FOXN3: variants seen among roughly 807,000 people sequenced by gnomAD.
FOXN3 encodes the protein forkhead box N3.
In FOXN3, 7 loss-of-function variants were observed where a neutral mutation model predicts 38.4. That is an observed-to-expected ratio of 0.18 (90% confidence interval 0.10 to 0.34). FOXN3 has a LOEUF of 0.34. Ranked by LOEUF, FOXN3 falls within the 10% of genes least tolerant of loss-of-function variation. The pLI, the probability that FOXN3 is intolerant of heterozygous loss-of-function variation, is 1.00. For missense variants in FOXN3, 456 were observed against 613.4 expected (o/e 0.74, Z 2.71); for synonymous variants, 230 against 242.2 (o/e 0.95, Z 0.47).
chr14:89,165,424 G>A (rs1395037341), intron 5 of FOXN3, among the ~76,000 whole-genome samples: 1 of 152,220 alleles, frequency 6.6e-6, no homozygotes, highest in Non-Finnish European at 1.5e-5. Flanking sequence ...CTGCTGCTGT[G>A]ACTTGTTCAC....
chr14:89,517,694 T>C (rs1393487371), intron 1 of FOXN3, among the ~76,000 whole-genome samples: 2 of 152,198 alleles, frequency 1.3e-5, no homozygotes, highest in Non-Finnish European at 2.9e-5. Flanking sequence ...TAGATCCAAA[T>C]CATATCACAT....
intron 1 of FOXN3, among the ~76,000 whole-genome samples, chr14:89,461,656 A>T (rs1335259813): frequency 2.0e-5 from 3 of 152,216 alleles, no homozygotes; most frequent in Non-Finnish European, 4.4e-5. Flanking sequence ...TATGATTTGT[A>T]GGAAATTACT....
chr14:89,193,156 T>C (rs17125476), intron 4 of FOXN3, among the ~76,000 whole-genome samples: 16,967 of 151,908 alleles, frequency 0.11, 2,515 homozygotes, highest in African/African-American at 0.34. Flanking sequence ...CAGGTGACCA[T>C]GGTTGGCCTG....
intron 2 of FOXN3, among the ~76,000 whole-genome samples, chr14:89,366,925 T>G (rs1432774918): frequency 1.3e-5 from 2 of 152,220 alleles, no homozygotes; most frequent in Non-Finnish European, 2.9e-5. Context: ...CAATGTGATC[T>G]TATCAAATTG....
At chr14:89,368,317 T>G (rs1890216196) in intron 2 of FOXN3, among the ~76,000 whole-genome samples, 1 of 125,334 alleles carries the variant, frequency 8.0e-6, no homozygotes, top group East Asian at 2.3e-4. Flanking sequence ...ATAAAAAGAG[T>G]GAAACTCTGT....
intron 1 of FOXN3, among the ~76,000 whole-genome samples, chr14:89,441,905 G>A (rs35603610): frequency 0.047 from 7,012 of 150,764 alleles, 214 homozygotes; most frequent in Non-Finnish European, 0.069. Flanking sequence ...GTTACACAGG[G>A]GGCTGAAACC....
At position 89,162,644 on chromosome 14, in the gene FOXN3, C is replaced by A; in HGVS notation, c.1177G>T (p.Ala393Ser). Residue 393 changes from alanine to serine, a missense_variant, in exon 6 of 6, where the codon GCA becomes TCA. Around this residue, in one of 3 missense-constraint regions of FOXN3, gnomAD observed 386 missense variants for 505.2 expected, o/e 0.76. Coordinates refer to ENST00000557258, the MANE Select transcript of FOXN3 (RefSeq NM_005197.4). This position sits in a 1 kb window ranked among gnomAD's most constrained non-coding sequence, Gnocchi z 7.2. The stretch of plus-strand genomic sequence containing the variant: ...TGCTGGCGCTTCTTGTGCTGGGATG[C>A]GTACCCGCTGTCCCCCAGAGAATCC... Reference protein sequence around the residue: ...PKDSLGDSGYASQHKKRQHFA... With the variant: ...PKDSLGDSGYSSQHKKRQHFA... 2 of 1,613,956 alleles carry A rather than the reference C, an allele frequency of 1.2e-6. No homozygotes were observed. Among genetic ancestry groups the A allele is most frequent in the Non-Finnish European group, 1.7e-6 (2 of 1,179,958 alleles).
intron 3 of FOXN3, among the ~76,000 whole-genome samples, chr14:89,289,192 AAAAAAGAAAAG>A (rs1886778181): frequency 5.5e-5 from 3 of 54,538 alleles, no homozygotes; most frequent in Non-Finnish European, 7.4e-5. Context: ...AAAAAAAAAA[AAAAAAGAAAAG>A]AAAAAGAAAA....
chr14:89,191,436 G>A (rs990255330), intron 4 of FOXN3, among the ~76,000 whole-genome samples: 7 of 152,120 alleles, frequency 4.6e-5, no homozygotes, highest in African/African-American at 9.7e-5. Flanking sequence ...AATTGAAGTC[G>A]ACATCAAAAT....
intron 2 of FOXN3, among the ~76,000 whole-genome samples, chr14:89,386,488 G>T (rs1890793529): frequency 6.6e-6 from 1 of 152,168 alleles, no homozygotes; most frequent in African/African-American, 2.4e-5. Context: ...CTAGGCTAGG[G>T]GAACTTAGCA....
chr14:89,210,346 T>C (rs1367318663), intron 4 of FOXN3, among the ~76,000 whole-genome samples: 1 of 152,166 alleles, frequency 6.6e-6, no homozygotes, highest in Non-Finnish European at 1.5e-5. Flanking sequence ...CCTTCCTCCA[T>C]GATTGTAAGT....
At chr14:89,474,964 C>T (rs8010961) in intron 1 of FOXN3, among the ~76,000 whole-genome samples, 14,802 of 151,872 alleles carry the variant, frequency 0.097, 837 homozygotes, top group African/African-American at 0.14. Context: ...AACAGGCACC[C>T]GCCACCACGC....
intron 4 of FOXN3, among the ~76,000 whole-genome samples, chr14:89,197,377 C>T (rs1379429810): frequency 6.6e-6 from 1 of 152,014 alleles, no homozygotes; most frequent in Non-Finnish European, 1.5e-5. Context: ...TGTGGTGGTG[C>T]ACACCTGTAG....
At chr14:89,601,356 T>C (rs984346725) in intron 1 of FOXN3, among the ~76,000 whole-genome samples, 1 of 152,244 alleles carries the variant, frequency 6.6e-6, no homozygotes, top group Non-Finnish European at 1.5e-5. Flanking sequence ...GTTTGCATCC[T>C]AGCAAGTGGA....
chr14:89,366,499 C>T (rs1037367844), intron 2 of FOXN3, among the ~76,000 whole-genome samples: 3 of 152,004 alleles, frequency 2.0e-5, no homozygotes, highest in East Asian at 1.9e-4. Flanking sequence ...CCTCTTCGTG[C>T]CTTTTTTAAA....
chr14:89,219,966 G>T (rs74479273), intron 4 of FOXN3, among the ~76,000 whole-genome samples: 1 of 152,068 alleles, frequency 6.6e-6, no homozygotes, highest in Non-Finnish European at 1.5e-5. Flanking sequence ...ACTAATCATC[G>T]GTCTGCAGTT....
intron 3 of FOXN3, among the ~76,000 whole-genome samples, chr14:89,311,409 T>C (rs1405723328): frequency 2.2e-5 from 3 of 134,936 alleles, no homozygotes; most frequent in Non-Finnish European, 4.6e-5. Context: ...GAGGCGGAGG[T>C]TGCAGTGAGC....
intron 1 of FOXN3, among the ~76,000 whole-genome samples, chr14:89,568,599 GC>G (rs1327513898): frequency 6.6e-6 from 1 of 152,146 alleles, no homozygotes; most frequent in Non-Finnish European, 1.5e-5. Context: ...CCTAACATTT[GC>G]GTCCTTTCTT....
intron 3 of FOXN3, among the ~76,000 whole-genome samples, chr14:89,299,617 G>A (rs1222474994): frequency 2.0e-5 from 3 of 152,192 alleles, no homozygotes; most frequent in African/African-American, 4.8e-5. Context: ...CAGAGATGGA[G>A]ATGATAGAAG....
Sources: gnomAD v4.1 joint callset for allele counts (sites outside exome capture counted in the v4.1 genomes callset) on GRCh38, gnomAD v4.1.1 for gene constraint, gnomAD v4.1.1 regional missense constraint, Gnocchi (gnomAD v3.1) non-coding constraint, MANE v1.5 for transcripts, NCBI Gene and HGNC (gene_info 2026-07-23, HGNC 2026-07-21) for gene names.